Variants in UBA6 observed in about 807,000 individuals in gnomAD.
UBA6 encodes the protein ubiquitin like modifier activating enzyme 6.
UBA6 carries 87 observed loss-of-function variants against 148.3 expected under a neutral mutation model. The ratio of observed to expected loss-of-function variants is 0.59; its 90% confidence interval spans 0.49 to 0.70. UBA6 has a LOEUF of 0.70. Ranked by LOEUF, UBA6 falls within the 30% of genes least tolerant of loss-of-function variation. The probability of loss-of-function intolerance (pLI) is 0.00; values close to 1 mark genes in which losing one functional copy is unlikely to be tolerated. For synonymous variants in UBA6, 376 were observed against 401.0 expected (o/e 0.94, Z 0.75); for missense variants, 1,186 against 1,241.2 (o/e 0.96, Z 0.67).
At chr4:67,698,810 A>G (rs969128955) in intron 1 of UBA6, among the ~76,000 whole-genome samples, 5 of 152,098 alleles carry the variant, frequency 3.3e-5, no homozygotes, top group African/African-American at 1.2e-4. Context: ...AAATACAAAA[A>G]TTAGCCAGAT....
At chr4:67,681,732 A>C in intron 3 of UBA6, 141 bp from the exon 4 acceptor site, 1 of 607,740 alleles carries the variant, frequency 1.6e-6, no homozygotes, top group East Asian at 3.1e-5. Context: ...GTCTTAAAAA[A>C]GTTACAAAAT....
rs1728601074 is a variant in UBA6 at position 67,615,151 on chromosome 4, T to C, written c.*3846A>G. 6.6e-6 allele frequency: 1 copy of C among 152,204 alleles called. No individual in the cohort carries two copies. The highest frequency in any genetic ancestry group is 2.4e-5 in the African/African-American group (1 of 41,444). The allele number at this position is 152,204 out of a possible 1,614,324, so 9.4% of individuals were successfully genotyped here. ...CCCCAGTGTTGGAGGTGAGGGCTGGTGGGAGGTGTTCGGGTTATGGGGATG... is the reference window on the plus strand; with the variant it reads ...CCCCAGTGTTGGAGGTGAGGGCTGGCGGGAGGTGTTCGGGTTATGGGGATG... On this transcript the variant is annotated 3_prime_UTR_variant, in exon 33 of 33. Transcript: ENST00000322244.
intron 9 of UBA6, among the ~76,000 whole-genome samples, chr4:67,666,102 C>G (rs1729989373): frequency 6.6e-6 from 1 of 152,096 alleles, no homozygotes; most frequent in South Asian, 2.1e-4. Flanking sequence ...GCAGCAGGAT[C>G]ACTTGAACCC....
rs113053075 is a variant in UBA6, at chr4:67,682,387, T to A, written c.135-174A>T. ...TTAAATGCCAAATATATGACATATTTTGAAAAATCAGATAATTTGGCACCA... is the reference window on the plus strand; with the variant it reads ...TTAAATGCCAAATATATGACATATTATGAAAAATCAGATAATTTGGCACCA... On this transcript the variant is annotated intron_variant, in intron 2 of 32. Coordinates refer to ENST00000322244, the MANE Select transcript of UBA6 (RefSeq NM_018227.6). Among the ~76,000 whole-genome samples the A allele has an allele frequency of 3.7e-3, 566 of 152,356 alleles. 3 individuals carry two copies. Among genetic ancestry groups the A allele is most frequent in the African/African-American group, 0.013 (545 of 41,584 alleles).
chr4:67,698,961 AAAAC>A (rs1326552704), intron 1 of UBA6, among the ~76,000 whole-genome samples: 6 of 152,208 alleles, frequency 3.9e-5, no homozygotes, highest in African/African-American at 1.4e-4. Flanking sequence ...ACTCTGTCAA[AAAAC>A]AAACAAACAA....
chr4:67,670,685 T>G, intron 7 of UBA6, 93 bp from the exon 8 acceptor site: 4 of 948,686 alleles, frequency 4.2e-6, no homozygotes. Flanking sequence ...TAATTTATAA[T>G]TAAGTATACC....
chr4:67,663,792 C>G lies in UBA6; in HGVS notation c.960+93G>C, dbSNP rs781308984. 9 of 1,089,318 alleles carry G rather than the reference C, an allele frequency of 8.3e-6. No homozygotes were observed. In the African/African-American group the frequency reaches 1.4e-4, roughly 17 times the overall value. 67.5% of individuals were successfully genotyped at this position (1,089,318 alleles called of 1,614,324 possible). On this transcript the variant is annotated intron_variant, in intron 11 of 32. Transcript: ENST00000322244. ...ATTATAAGGCCCGACAGCCAGATAC[C>G]TACATGGTTATTCCATTTTAACTTC... is the stretch of plus-strand genomic sequence containing the variant.
chr4:67,642,160 T>C lies in UBA6; in HGVS notation c.1477-932A>G, dbSNP rs1327811314. On this transcript the variant is annotated intron_variant, in intron 17 of 32. Transcript: ENST00000322244. ...ATTAAGGCTTTTTCTTTCTACCTCC[T>C]CCAATTCTGCTTTTCATTCCCCTGT... Among the ~76,000 whole-genome samples, 6 of 152,052 alleles carry C rather than the reference T, an allele frequency of 3.9e-5. No individual in the cohort carries two copies. In the East Asian group the frequency reaches 1.2e-3, roughly 29 times the overall value.
intron 2 of UBA6, among the ~76,000 whole-genome samples, chr4:67,695,653 A>C (rs1369401265): frequency 2.6e-5 from 4 of 152,216 alleles, no homozygotes; most frequent in African/African-American, 9.6e-5. Context: ...CCTGTGCTAC[A>C]CACTGTTTTA....
intron 9 of UBA6, among the ~76,000 whole-genome samples, chr4:67,667,450 G>A (rs1263243523): frequency 6.6e-6 from 1 of 151,822 alleles, no homozygotes; most frequent in East Asian, 1.9e-4. Flanking sequence ...CTTAAATATA[G>A]ATTCAAAGTT....
intron 13 of UBA6, among the ~76,000 whole-genome samples, chr4:67,656,905 A>G (rs960859888): frequency 2.0e-5 from 3 of 152,228 alleles, no homozygotes; most frequent in Non-Finnish European, 4.4e-5. Context: ...AGAGATAGCC[A>G]AACTGTGAGT....
At chr4:67,689,424 TTTAA>T (rs1730645304) in intron 2 of UBA6, among the ~76,000 whole-genome samples, 1 of 152,152 alleles carries the variant, frequency 6.6e-6, no homozygotes, top group East Asian at 1.9e-4. Flanking sequence ...AGTTACACTC[TTTAA>T]TTTTCAGGAA....
chr4:67,616,771 G>T lies in UBA6; in HGVS notation c.*2226C>A, dbSNP rs1450521850. ...ATAAACAGCAAAATCAGAATCTCTG[G>T]AGTCAACTTATGAAACATGATTTAC... On this transcript the variant is annotated 3_prime_UTR_variant, in exon 33 of 33. Coordinates refer to ENST00000322244, the MANE Select transcript of UBA6 (RefSeq NM_018227.6). The T allele has an allele frequency of 2.0e-5, 3 of 151,998 alleles. No individual in the cohort carries two copies. Among genetic ancestry groups the T allele is most frequent in the African/African-American group, 7.2e-5 (3 of 41,386 alleles). The allele number at this position is 151,998 out of a possible 1,614,324, so 9.4% of individuals were successfully genotyped here. A position where few individuals can be genotyped will look rare whatever the true frequency, so the allele number is the denominator to read the frequency against.
At chr4:67,633,185 C>A (rs1311430852) in intron 23 of UBA6, among the ~76,000 whole-genome samples, 160 bp downstream of exon 23, 2 of 152,144 alleles carry the variant, frequency 1.3e-5, no homozygotes, top group African/African-American at 4.8e-5. Context: ...TCTGAACAAA[C>A]TTCTTTTAGA....
chr4:67,616,297 T>G lies in UBA6; in HGVS notation c.*2700A>C. On this transcript the variant is annotated 3_prime_UTR_variant, in exon 33 of 33. Coordinates refer to ENST00000322244, the MANE Select transcript of UBA6 (RefSeq NM_018227.6). ...TGAATATTCATTATAGTGGAAAGAT[T>G]TAGGTCACGAGATTTTTTTTTTCCC... 2.6e-6 allele frequency: 1 copy of G among 386,542 alleles called. No homozygotes were observed. Among genetic ancestry groups the G allele is most frequent in the Non-Finnish European group, 4.6e-6 (1 of 218,508 alleles). 23.9% of individuals were successfully genotyped at this position (386,542 alleles called of 1,614,324 possible).
chr4:67,641,848 GAA>G (rs1729315840), intron 17 of UBA6, among the ~76,000 whole-genome samples: 1 of 152,064 alleles, frequency 6.6e-6, no homozygotes, highest in Non-Finnish European at 1.5e-5. Flanking sequence ...TGTCCTTTAA[GAA>G]AAAGTCTGCA....
At chr4:67,651,033 TA>T (rs1336551986) in intron 13 of UBA6, among the ~76,000 whole-genome samples, 1 of 152,082 alleles carries the variant, frequency 6.6e-6, no homozygotes, top group African/African-American at 2.4e-5. Flanking sequence ...AGTAGGAATC[TA>T]AAAAGCACCT....
chr4:67,667,646 G>A (rs754035852), intron 9 of UBA6, among the ~76,000 whole-genome samples: 11 of 152,006 alleles, frequency 7.2e-5, no homozygotes, highest in Non-Finnish European at 1.0e-4. Flanking sequence ...ATAGTTATGC[G>A]TTGTCCAGTA....
chr4:67,673,611 T>C (rs1195239398), intron 7 of UBA6, 86 bp downstream of exon 7: 6 of 768,234 alleles, frequency 7.8e-6, no homozygotes, highest in Admixed American at 2.2e-5. Flanking sequence ...AAGTTTCTTA[T>C]ATAACCCATC....
Sources: gnomAD v4.1 joint callset for allele counts (sites outside exome capture counted in the v4.1 genomes callset) on GRCh38, gnomAD v4.1.1 for gene constraint, MANE v1.5 for transcripts, NCBI Gene and HGNC (gene_info 2026-07-23, HGNC 2026-07-21) for gene names.